Variants in CDC14A observed in about 807,000 individuals in gnomAD.
CDC14A encodes the protein cell division cycle 14A.
Under a neutral mutation model 74.4 loss-of-function variants are expected in CDC14A, and 53 were observed. The ratio of observed to expected loss-of-function variants is 0.71; its 90% CI spans 0.57 to 0.89. The LOEUF (loss-of-function observed/expected upper bound fraction) is 0.89. Among genes scored for constraint, CDC14A ranks in the 40% least tolerant of loss-of-function variants. CDC14A has a pLI of 0.00. For missense variants in CDC14A, 646 were observed against 713.7 expected (o/e 0.91, Z 1.08); for synonymous variants, 247 against 258.4 (o/e 0.96, Z 0.43).
intron 3 of CDC14A, among the ~76,000 whole-genome samples, chr1:100,381,878 G>A (rs569223135): frequency 6.6e-6 from 1 of 152,274 alleles, no homozygotes; most frequent in Non-Finnish European, 1.5e-5. Flanking sequence ...TAGGATAGGG[G>A]AAGCAATCAA....
intron 6 of CDC14A, 85 bp downstream of exon 6, chr1:100,440,083 T>C (rs1459803265): frequency 2.0e-6 from 2 of 1,022,224 alleles, no homozygotes; most frequent in Non-Finnish European, 3.0e-6. Context: ...TTATTTGTTA[T>C]TGGAGGGAAG....
At chr1:100,484,201 CT>C in intron 10 of CDC14A, 90 bp from the exon 11 acceptor site, 1 of 631,514 alleles carries the variant, frequency 1.6e-6, no homozygotes, top group Non-Finnish European at 2.5e-6. Flanking sequence ...AAATCTTTTC[CT>C]TTATAAGACA....
In CDC14A at chr1:100,518,385, C is replaced by T. The variant is rs943912621; in HGVS notation, c.*105C>T. ...ACTTCTTGCTGGAAGAATATCTCTG[C>T]CTTCTTACCTTAAATTAAAAAGAGC... On this transcript the variant is annotated 3_prime_UTR_variant, in exon 16 of 16. Coordinates refer to ENST00000336454, the MANE Select transcript of CDC14A (RefSeq NM_003672.4). 1.2e-6 allele frequency: 1 copy of T among 868,932 alleles called. No homozygotes were observed. Among genetic ancestry groups the T allele is most frequent in the South Asian group, 1.4e-5 (1 of 70,252 alleles). The allele number at this position is 868,932 out of a possible 1,614,324, so 53.8% of individuals were successfully genotyped here.
chr1:100,443,126 GT>G (rs1665154827), intron 7 of CDC14A, 130 bp downstream of exon 7: 2 of 637,348 alleles, frequency 3.1e-6, no homozygotes, highest in Non-Finnish European at 5.4e-6. Context: ...ATAGTGGTCA[GT>G]TTTGTCCTTT....
intron 4 of CDC14A, among the ~76,000 whole-genome samples, chr1:100,422,229 G>A (rs1208316412): frequency 1.3e-5 from 2 of 152,186 alleles, no homozygotes; most frequent in African/African-American, 4.8e-5. Context: ...CTGTGGGGTA[G>A]CCAATCTAAA....
intron 2 of CDC14A, among the ~76,000 whole-genome samples, chr1:100,362,674 G>A (rs1227031297): frequency 2.0e-5 from 3 of 152,072 alleles, no homozygotes; most frequent in Non-Finnish European, 4.4e-5. Flanking sequence ...AAATATATTG[G>A]TTTGTTTTAA....
At chr1:100,435,564 C>G (rs1664218824) in intron 5 of CDC14A, among the ~76,000 whole-genome samples, 1 of 152,168 alleles carries the variant, frequency 6.6e-6, no homozygotes, top group Non-Finnish European at 1.5e-5. Context: ...CGCGGTGGCT[C>G]ACGCCTGTAA....
intron 7 of CDC14A, among the ~76,000 whole-genome samples, chr1:100,448,504 G>A (rs1665794998): frequency 6.6e-6 from 1 of 152,144 alleles, no homozygotes; most frequent in African/African-American, 2.4e-5. Flanking sequence ...ACCGCACAGG[G>A]CTTCCTTTTG....
intron 4 of CDC14A, among the ~76,000 whole-genome samples, chr1:100,420,089 A>ATT (rs1553180608): frequency 2.2e-5 from 1 of 45,746 alleles, no homozygotes. Flanking sequence ...TATAGTGTGT[A>ATT]TGTGTGTGTG....
rs534864024 is a variant in CDC14A at position 100,495,998 on chromosome 1, G to A, written c.1251-4G>A. 84 of 1,613,200 alleles carry A rather than the reference G, an allele frequency of 5.2e-5. 1 individual carries two copies. In the South Asian group the frequency reaches 7.5e-4, roughly 14 times the overall value. On this transcript the variant is annotated splice_region_variant and splice_polypyrimidine_tract_variant and intron_variant, in intron 12 of 15. Transcript: ENST00000336454. The stretch of plus-strand genomic sequence containing the variant: ...ATGTGAGCATCTGTCTTTGATTTCC[G>A]CAGGTCAGATGATACAAAAGGACAT...
chr1:100,388,330 A>C (rs115131327), intron 3 of CDC14A, among the ~76,000 whole-genome samples: 1 of 152,200 alleles, frequency 6.6e-6, no homozygotes, highest in Non-Finnish European at 1.5e-5. Flanking sequence ...CAACCACCCA[A>C]CAGACAATGA....
At chr1:100,404,835 A>C (rs566724221) in intron 4 of CDC14A, among the ~76,000 whole-genome samples, 10 of 116,662 alleles carry the variant, frequency 8.6e-5, no homozygotes, top group East Asian at 8.5e-4. Flanking sequence ...GTCTCAAAAA[A>C]ACAAAACAAA....
At chr1:100,352,454 A>T, upstream of CDC14A, 3 of 997,304 alleles carry the variant, frequency 3.0e-6, no homozygotes, top group Non-Finnish European at 3.6e-6. Context: ...ACCCAGGGGG[A>T]GGAGGAGGAG....
upstream of CDC14A, among the ~76,000 whole-genome samples, chr1:100,349,174 C>CTACA (rs977575305): frequency 2.6e-5 from 4 of 151,658 alleles, no homozygotes; most frequent in Non-Finnish European, 5.9e-5. Context: ...CCAGCCTGGG[C>CTACA]TACAGAGCAA....
chr1:100,471,745 A>C (rs1314898314), intron 10 of CDC14A, among the ~76,000 whole-genome samples: 2 of 152,150 alleles, frequency 1.3e-5, no homozygotes, highest in African/African-American at 4.8e-5. Flanking sequence ...CAACAGGAAA[A>C]GGTCTTTTTA....
At chr1:100,475,541 G>A (rs1178833435) in intron 10 of CDC14A, among the ~76,000 whole-genome samples, 2 of 152,182 alleles carry the variant, frequency 1.3e-5, no homozygotes, top group East Asian at 3.9e-4. Flanking sequence ...AGCAGAGGAA[G>A]GTGGTGGCAG....
intron 11 of CDC14A, among the ~76,000 whole-genome samples, chr1:100,487,550 A>G (rs927276390): frequency 6.7e-6 from 1 of 149,124 alleles, no homozygotes; most frequent in African/African-American, 2.5e-5. Flanking sequence ...ACAGAGTGAG[A>G]CTCGGTCTCA....
intron 5 of CDC14A, among the ~76,000 whole-genome samples, chr1:100,433,649 T>C (rs1460724803): frequency 6.6e-6 from 1 of 152,224 alleles, no homozygotes; most frequent in African/African-American, 2.4e-5. Context: ...CCATTCTTTC[T>C]TCTTCGAGTA....
chr1:100,381,702 T>C (rs1194457989), intron 3 of CDC14A, among the ~76,000 whole-genome samples: 1 of 152,196 alleles, frequency 6.6e-6, no homozygotes, highest in Non-Finnish European at 1.5e-5. Flanking sequence ...TTTAATTATG[T>C]CAATCAGAAT....
Sources: allele counts gnomAD v4.1 joint callset (sites outside exome capture counted in the v4.1 genomes callset), GRCh38; gene constraint gnomAD v4.1.1; transcripts MANE v1.5; gene names NCBI Gene and HGNC (gene_info 2026-07-23, HGNC 2026-07-21).